The following TCF12 variants were observed in gnomAD, a reference collection of about 807,000 sequenced individuals.
The protein encoded by TCF12 is DNA-binding protein HTF4.
TCF12 carries 45 observed loss-of-function variants against 86.0 expected under a neutral mutation model. That is an observed-to-expected ratio of 0.52 (90% confidence interval 0.41 to 0.67). The LOEUF (loss-of-function observed/expected upper bound fraction) is 0.67. Ranked by LOEUF, TCF12 falls within the 30% of genes least tolerant of loss-of-function variation. The pLI is 0.00. For missense variants in TCF12, 881 were observed against 859.9 expected, an observed-to-expected ratio of 1.02 and a Z score of -0.31; for synonymous variants, 330 against 299.6, an observed-to-expected ratio of 1.10 and a Z score of -1.05.
rs16977194 is a variant in TCF12, at chr15:57,007,286, G to A, written c.149-56464G>A. Among the ~76,000 whole-genome samples the A allele has an allele frequency of 3.0e-3, 453 of 152,264 alleles. 8 individuals are homozygous for A. The highest frequency in any genetic ancestry group is 0.02 in the Admixed American group (303 of 15,294). On this transcript the variant is annotated intron_variant, in intron 3 of 20. Coordinates refer to ENST00000333725, the MANE Select transcript of TCF12 (RefSeq NM_207037.2). ...TATTAAAATGTTTTCAGAAAGGCAA[G>A]CATGGGGTCAGTATTTTCTGTCTTT...
rs11380359 is a variant in TCF12, at chr15:57,200,045, C to CTT, written c.579+2235_579+2236dup. Among the ~76,000 whole-genome samples the CTT allele has an allele frequency of 3.4e-3, 442 of 130,140 alleles. 5 individuals carry two copies. The highest frequency in any genetic ancestry group is 0.01 in the African/African-American group (356 of 34,604). 85.4% of individuals were successfully genotyped at this position (130,140 alleles called of 152,430 possible). A position where few individuals can be genotyped will look rare whatever the true frequency, so the allele number is the denominator to read the frequency against. On this transcript the variant is annotated intron_variant, in intron 8 of 20. Coordinates refer to ENST00000333725, the MANE Select transcript of TCF12 (RefSeq NM_207037.2). ...TACAGGGACAGGCCACCACGGCTGG[C>CTT]TTTTTTTTTTTTTTTTGTAGAGACG...
In TCF12 at chr15:57,255,886, C is replaced by T. The variant is rs531773745; in HGVS notation, c.1467+2418C>T. ...CTTAGTCTGAGCTGCAACATTAGTGCCACAGCAACTAGCCCAAGCTGTTGT... is the reference window on the plus strand; with the variant it reads ...CTTAGTCTGAGCTGCAACATTAGTGTCACAGCAACTAGCCCAAGCTGTTGT... On this transcript the variant is annotated intron_variant, in intron 16 of 20. Transcript: ENST00000333725. 1.2e-4 allele frequency among the ~76,000 whole-genome samples: 18 copies of T among 152,298 alleles called. 1 individual carries two copies. The South Asian group carries it at 3.7e-3, about 32-fold the overall frequency.
At chr15:57,217,486 A>G (rs1177024610) in intron 8 of TCF12, among the ~76,000 whole-genome samples, 2 of 152,198 alleles carry the variant, frequency 1.3e-5, no homozygotes, top group Admixed American at 6.5e-5. Context: ...CAAACAACAT[A>G]GTAAGTACCC....
chr15:57,055,051 T>C (rs1176602057), intron 3 of TCF12, among the ~76,000 whole-genome samples: 1 of 152,142 alleles, frequency 6.6e-6, no homozygotes, highest in Non-Finnish European at 1.5e-5. Context: ...TTAGTCTTTT[T>C]ATTTATTATA....
At chr15:57,021,735 T>C (rs2065495788) in intron 3 of TCF12, among the ~76,000 whole-genome samples, 1 of 130,060 alleles carries the variant, frequency 7.7e-6, no homozygotes, top group African/African-American at 3.1e-5. Context: ...TGGGTCCATT[T>C]ATACTTAGAT....
chr15:57,206,395 A>G (rs530265164), intron 8 of TCF12, among the ~76,000 whole-genome samples: 2 of 152,250 alleles, frequency 1.3e-5, no homozygotes, highest in South Asian at 4.1e-4. Flanking sequence ...CAGACACTTT[A>G]TAAAACTTTA....
At chr15:56,994,657 A>G (rs1321515146) in intron 3 of TCF12, among the ~76,000 whole-genome samples, 2 of 152,126 alleles carry the variant, frequency 1.3e-5, no homozygotes, top group Non-Finnish European at 2.9e-5. Flanking sequence ...AGTAAGAATA[A>G]AGAAGAAAAA....
chr15:57,256,658 T>C (rs536089642), intron 16 of TCF12, among the ~76,000 whole-genome samples: 7 of 150,570 alleles, frequency 4.6e-5, no homozygotes, highest in Non-Finnish European at 1.0e-4. Context: ...GGGCTCCTAA[T>C]AATGGAGGCT....
At chr15:56,932,824 T>G (rs555243253) in intron 3 of TCF12, among the ~76,000 whole-genome samples, 2 of 152,260 alleles carry the variant, frequency 1.3e-5, no homozygotes, top group Admixed American at 6.5e-5. Context: ...GCTGGGATTA[T>G]AGGTGTGAGC....
intron 6 of TCF12, among the ~76,000 whole-genome samples, chr15:57,167,568 GAGAGAGAAA>G (rs1305608619): frequency 6.6e-6 from 1 of 151,834 alleles, no homozygotes; most frequent in Non-Finnish European, 1.5e-5. Context: ...CAAAAAGAGA[GAGAGAGAAA>G]GGAGGGAAGG....
intron 3 of TCF12, among the ~76,000 whole-genome samples, chr15:57,010,528 C>T (rs1238994828): frequency 6.6e-6 from 1 of 152,176 alleles, no homozygotes; most frequent in Admixed American, 6.5e-5. Flanking sequence ...AAGCAGTTCA[C>T]TTTCTTTCAC....
chr15:57,061,437 A>T (rs2703579), intron 3 of TCF12, among the ~76,000 whole-genome samples: 4,934 of 147,582 alleles, frequency 0.033, 255 homozygotes, highest in African/African-American at 0.11. Context: ...TCTACAAAAT[A>T]AAAAAAAAAA....
intron 4 of TCF12, among the ~76,000 whole-genome samples, chr15:57,084,041 G>T (rs991071351): frequency 2.6e-5 from 4 of 152,026 alleles, no homozygotes; most frequent in Non-Finnish European, 5.9e-5. Context: ...TTTGCTCATT[G>T]GCTGATGTTC....
chr15:57,143,135 T>G (rs1596788091), intron 5 of TCF12, among the ~76,000 whole-genome samples: 2 of 139,172 alleles, frequency 1.4e-5, no homozygotes, highest in Admixed American at 7.7e-5. Flanking sequence ...CATAAATATA[T>G]ACACCTATTA....
chr15:57,179,762 C>T (rs2151634270), intron 6 of TCF12, among the ~76,000 whole-genome samples: 1 of 152,234 alleles, frequency 6.6e-6, no homozygotes. Flanking sequence ...AGAAGCATCT[C>T]AGGTTTTCTT....
chr15:56,984,249 G>GGTGTGTGTGTGTGTGTGTGTGTGT (rs56221122), intron 3 of TCF12, among the ~76,000 whole-genome samples: 2 of 122,988 alleles, frequency 1.6e-5, no homozygotes, highest in African/African-American at 3.1e-5. Flanking sequence ...GCATGTGCAT[G>GGTGTGTGTGTGTGTGTGTGTGTGT]GTGTGTGTGT....
chr15:57,262,470 T>C (rs1033143384), intron 17 of TCF12, among the ~76,000 whole-genome samples: 1 of 152,216 alleles, frequency 6.6e-6, no homozygotes, highest in Non-Finnish European at 1.5e-5. Flanking sequence ...TGTTCTGTCA[T>C]GTCCCTCTTC....
chr15:57,078,741 TGAA>T (rs1377138046), intron 4 of TCF12, among the ~76,000 whole-genome samples: 2 of 152,138 alleles, frequency 1.3e-5, no homozygotes, highest in Admixed American at 6.6e-5. Context: ...GACGAGAAGA[TGAA>T]GTATCAAAAA....
At chr15:57,126,125 C>G (rs1274359419) in intron 5 of TCF12, among the ~76,000 whole-genome samples, 3 of 152,132 alleles carry the variant, frequency 2.0e-5, no homozygotes, top group Admixed American at 1.3e-4. Flanking sequence ...CCTGTAGTCC[C>G]AGCTACTTGG....
Sources: allele counts gnomAD v4.1 joint callset (sites outside exome capture counted in the v4.1 genomes callset), GRCh38; gene constraint gnomAD v4.1.1; transcripts MANE v1.5; gene names NCBI Gene and HGNC (gene_info 2026-07-23, HGNC 2026-07-21).